ZNF280B: variants seen among roughly 807,000 people sequenced by gnomAD.
The protein encoded by ZNF280B is suppressor of hairy wing homolog 2.
In ZNF280B, 16 loss-of-function variants were observed where a neutral mutation model predicts 38.0. The observed-to-expected ratio is 0.42, with a 90% CI of 0.28 to 0.64. ZNF280B has a LOEUF of 0.64. ZNF280B is among the 30% of genes least tolerant of loss of function. The pLI, the probability that ZNF280B is intolerant of heterozygous loss-of-function variation, is 0.21. For synonymous variants in ZNF280B, 253 were observed against 230.6 expected, an observed-to-expected ratio of 1.10 and a Z score of -0.88; for missense variants, 581 against 639.6, an observed-to-expected ratio of 0.91 and a Z score of 0.99.
At chr22:22,508,916 A>G (rs992114100), upstream of ZNF280B, 6 of 152,126 alleles carry the variant, frequency 3.9e-5, no homozygotes, top group Admixed American at 1.3e-4. Context: ...TTAAATTGAG[A>G]AGGAGGAGGG....
Position 22,497,208 on chromosome 22 carries a change from T to TAAAAA in ZNF280B, c.-186-3033_-186-3029dup, listed in dbSNP as rs71199486. The stretch of plus-strand genomic sequence containing the variant: ...TGAGCAGAATCTTGGTCTCCATCTT[T>TAAAAA]AAAAAAAAAAAAAAAAAAAAAAAAA... On this transcript the variant is annotated intron_variant, in intron 2 of 3. Coordinates refer to ENST00000626650, the MANE Select transcript of ZNF280B (RefSeq NM_080764.4). Among the ~76,000 whole-genome samples the TAAAAA allele has an allele frequency of 6.5e-4, 22 of 33,640 alleles. 5 individuals carry two copies. The highest frequency in any genetic ancestry group is 1.1e-3 in the South Asian group (1 of 890). 22.1% of individuals were successfully genotyped at this position (33,640 alleles called of 152,430 possible).
In ZNF280B at chr22:22,488,208, C is replaced by T. The variant is rs2061528612; in HGVS notation, c.1191G>A (p.Lys397=). Residue 397 remains lysine (K), a synonymous_variant, in exon 4 of 4, where the codon AAG becomes AAA. Coordinates refer to ENST00000626650, the MANE Select transcript of ZNF280B (RefSeq NM_080764.4). ...GGCACACATAGGGCATTTCGCCAGG[C>T]TTATGATGGTCCTTCATGTGTTGTA... ...VLLQHMKDHH[K]PGEMPYVCQV... The T allele has an allele frequency of 3.1e-6, 5 of 1,613,764 alleles. No homozygotes were observed. Among genetic ancestry groups the T allele is most frequent in the Non-Finnish European group, 4.2e-6 (5 of 1,179,990 alleles).
chr22:22,500,685 G>C (rs2061798629), intron 2 of ZNF280B, among the ~76,000 whole-genome samples: 1 of 149,588 alleles, frequency 6.7e-6, no homozygotes, highest in Admixed American at 6.6e-5. Context: ...GCAAAACCCT[G>C]TCTCTACTAA....
chr22:22,485,661 G>C lies in ZNF280B; in HGVS notation c.*2106C>G, dbSNP rs532850699. The C allele has an allele frequency of 9.9e-5, 15 of 151,814 alleles. No homozygotes were observed. Among genetic ancestry groups the C allele is most frequent in the Admixed American group, 2.0e-4 (3 of 15,228 alleles). 9.4% of individuals were successfully genotyped at this position (151,814 alleles called of 1,614,324 possible). ...GCTAAGCTCTTAATTATCTCTTCCC[G>C]GATTTTTGTGAAAGCTTAGGAAATT... On this transcript the variant is annotated 3_prime_UTR_variant, in exon 4 of 4. Coordinates refer to ENST00000626650, the MANE Select transcript of ZNF280B (RefSeq NM_080764.4).
chr22:22,495,028 TA>T (rs2061666847), intron 2 of ZNF280B, among the ~76,000 whole-genome samples: 1 of 151,932 alleles, frequency 6.6e-6, no homozygotes, highest in African/African-American at 2.4e-5. Flanking sequence ...GCCCAGCCTC[TA>T]GTAAACCATT....
intron 1 of ZNF280B, among the ~76,000 whole-genome samples, chr22:22,508,134 C>T (rs928663975): frequency 4.0e-5 from 6 of 151,886 alleles, no homozygotes; most frequent in Non-Finnish European, 8.8e-5. Flanking sequence ...ATTAGGGTCC[C>T]AGGGGCTGCA....
intron 3 of ZNF280B, among the ~76,000 whole-genome samples, chr22:22,493,518 T>C (rs956999745): frequency 6.6e-5 from 10 of 152,012 alleles, no homozygotes; most frequent in African/African-American, 2.4e-4. Flanking sequence ...ATTGGATTCA[T>C]TTTTTCACTC....
chr22:22,487,827 T>C lies in ZNF280B; in HGVS notation c.1572A>G (p.Thr524=), dbSNP rs2061521962. The C allele has an allele frequency of 1.9e-6, 3 of 1,612,932 alleles. No homozygotes were observed. The highest frequency in any genetic ancestry group is 1.7e-5 in the Admixed American group (1 of 59,810). The stretch of plus-strand genomic sequence containing the variant: ...TGGGGAGTGATGGTTCAGAGTCAGA[T>C]GTGCTCACAGTTATGGATGCTACAT... ...SVDVASITVS[T]SDSEPSLPRS... Residue 524 remains threonine, a synonymous_variant, in exon 4 of 4, where the codon ACA becomes ACG. Transcript: ENST00000626650.
chr22:22,489,378 T>C lies in ZNF280B; in HGVS notation c.21A>G (p.Glu7=), dbSNP rs377391523. The C allele has an allele frequency of 2.4e-5, 38 of 1,602,940 alleles. No individual in the cohort carries two copies. Among genetic ancestry groups the C allele is most frequent in the Non-Finnish European group, 3.2e-5 (38 of 1,176,126 alleles). ...TCTTCTGTGGTTCAGGCTCTTTCTC[T>C]TCCTCACATGATTGTTCCATTTTCT... MEQSCE[E]EKEPEPQKNI... Residue 7 remains glutamate (E), a synonymous_variant, in exon 4 of 4, where the codon GAA becomes GAG. Coordinates refer to ENST00000626650, the MANE Select transcript of ZNF280B (RefSeq NM_080764.4).
At chr22:22,497,499 A>C (rs1353524017) in intron 2 of ZNF280B, among the ~76,000 whole-genome samples, 1 of 151,832 alleles carries the variant, frequency 6.6e-6, no homozygotes, top group African/African-American at 2.4e-5. Context: ...GTGGCAGTTC[A>C]AACTAAAAGT....
chr22:22,493,064 G>A (rs1387699422), intron 3 of ZNF280B, among the ~76,000 whole-genome samples: 10 of 151,750 alleles, frequency 6.6e-5, no homozygotes, highest in Non-Finnish European at 1.5e-5. Context: ...AGGCTGAAGT[G>A]CAGTGGCACG....
rs773140461 is a variant in ZNF280B, at chr22:22,489,330, TAC to T, written c.67_68del (p.Val23ArgfsTer2). ...AGATGAGCTCAGCATCTTCGTCATCTACTTGTTTGGTTTCTTGTATGTTCTTC... is the reference window on the plus strand; with the variant it reads ...AGATGAGCTCAGCATCTTCGTCATCTTTGTTTGGTTTCTTGTATGTTCTTC... ...PQKNIQETKQ[V>X]DDEDAELIFV... On this transcript the variant is annotated frameshift_variant, in exon 4 of 4. Transcript: ENST00000626650. LOFTEE classifies it high-confidence loss of function. 1 of 1,613,730 alleles carries T rather than the reference TAC, an allele frequency of 6.2e-7. No homozygotes were observed. Among genetic ancestry groups the T allele is most frequent in the Admixed American group, 1.7e-5 (1 of 59,958 alleles).
At chr22:22,501,031 A>C (rs1320386972) in intron 2 of ZNF280B, among the ~76,000 whole-genome samples, 3 of 150,442 alleles carry the variant, frequency 2.0e-5, no homozygotes, top group Non-Finnish European at 3.0e-5. Context: ...AAAAAAAAAA[A>C]AAAAAAAAAA....
intron 2 of ZNF280B, among the ~76,000 whole-genome samples, chr22:22,503,322 TGTA>T (rs1482800194): frequency 6.6e-6 from 1 of 152,004 alleles, no homozygotes; most frequent in African/African-American, 2.4e-5. Flanking sequence ...TGTACAATTT[TGTA>T]AGTATATAAT....
chr22:22,502,789 G>T (rs1262272737), intron 2 of ZNF280B, among the ~76,000 whole-genome samples: 1 of 151,816 alleles, frequency 6.6e-6, no homozygotes, highest in Non-Finnish European at 1.5e-5. Flanking sequence ...AAGGAATATA[G>T]CAGGTTTGAA....
intron 3 of ZNF280B, among the ~76,000 whole-genome samples, chr22:22,491,450 C>CTTTTTCTTTTTTTTTTT (rs2061592629): frequency 7.3e-6 from 1 of 136,896 alleles, no homozygotes; most frequent in African/African-American, 2.6e-5. Flanking sequence ...TTTTTCTTGT[C>CTTTTTCTTTTTTTTTTT]TTTTTTCTTT....
Position 22,489,022 on chromosome 22 carries a change from T to G in ZNF280B, c.377A>C (p.Tyr126Ser), listed in dbSNP as rs142464126. ...CACAACTTGTGGTGAACTATTTCTA[T>G]AATCAGGTTTAGACAAAGGCTCAAT... ...IIIEPLSKPD[Y>S]RNSSPQVVPN... is the part of the protein sequence containing the mutation. Residue 126 changes from tyrosine (Y) to serine (S), a missense_variant, in exon 4 of 4, where the codon TAT (tyrosine) becomes TCT (serine). By Grantham distance (144) the Tyr-to-Ser change is moderately radical. Coordinates refer to ENST00000626650, the MANE Select transcript of ZNF280B (RefSeq NM_080764.4). The G allele has an allele frequency of 1.0e-4, 166 of 1,613,864 alleles. No individual in the cohort carries two copies. In the African/African-American group the frequency reaches 2.0e-3, roughly 20 times the overall value.
At chr22:22,497,435 G>A (rs1338825500) in intron 2 of ZNF280B, among the ~76,000 whole-genome samples, 1 of 151,608 alleles carries the variant, frequency 6.6e-6, no homozygotes, top group African/African-American at 2.4e-5. Context: ...GTAGGCTGAG[G>A]CAAGAGAATC....
At chr22:22,500,318 G>A (rs1331798457) in intron 2 of ZNF280B, among the ~76,000 whole-genome samples, 2 of 151,414 alleles carry the variant, frequency 1.3e-5, no homozygotes, top group African/African-American at 4.9e-5. Context: ...AATAGCCAAG[G>A]GGTAGAAGCA....
Sources: gnomAD v4.1 joint callset for allele counts (sites outside exome capture counted in the v4.1 genomes callset) on GRCh38, gnomAD v4.1.1 for gene constraint, MANE v1.5 for transcripts, NCBI Gene and HGNC (gene_info 2026-07-23, HGNC 2026-07-21) for gene names.